The following PPARG variants were observed in gnomAD, a reference collection of about 807,000 sequenced individuals.
The protein encoded by PPARG is peroxisome proliferator activated receptor gamma, also known as peroxisome proliferator-activated receptor gamma.
In PPARG, 17 loss-of-function variants were observed where a neutral mutation model predicts 39.2. The observed-to-expected ratio is 0.43, with a 90% CI of 0.30 to 0.65. The LOEUF (loss-of-function observed/expected upper bound fraction) is 0.65, where lower values mean the gene tolerates loss of function less well. Among genes scored for constraint, PPARG ranks in the 30% least tolerant of loss-of-function variants. The pLI is 0.13. For missense variants in PPARG, 406 were observed against 585.9 expected (o/e 0.69, Z 3.17); for synonymous variants, 223 against 215.7 (o/e 1.03, Z -0.30).
chr3:12,382,737 A>G (rs1207512966), intron 4 of PPARG, among the ~76,000 whole-genome samples: 4 of 152,188 alleles, frequency 2.6e-5, no homozygotes, highest in Admixed American at 1.3e-4. Flanking sequence ...TGGGAGGCCA[A>G]GGCAGGAGGA....
At chr3:12,326,828 G>A (rs182309300) in intron 2 of PPARG, among the ~76,000 whole-genome samples, 2 of 152,280 alleles carry the variant, frequency 1.3e-5, no homozygotes, top group East Asian at 1.9e-4. Flanking sequence ...AAGATCGGGC[G>A]TGTTCAGGGT....
chr3:12,299,722 T>A (rs908045706), intron 1 of PPARG, among the ~76,000 whole-genome samples: 2 of 152,092 alleles, frequency 1.3e-5, no homozygotes, highest in African/African-American at 2.4e-5. Flanking sequence ...TCAATTAATT[T>A]AAAAAAATTA....
chr3:12,379,448 A>G (rs532642299), intron 2 of PPARG, among the ~76,000 whole-genome samples: 18 of 152,326 alleles, frequency 1.2e-4, no homozygotes, highest in Non-Finnish European at 8.8e-5. Flanking sequence ...GCAAAAAGGC[A>G]TTTATATGGA....
chr3:12,303,028 G>A (rs1017371102), intron 1 of PPARG, among the ~76,000 whole-genome samples: 1 of 152,266 alleles, frequency 6.6e-6, no homozygotes, highest in Non-Finnish European at 1.5e-5. Context: ...AGATTTGAGG[G>A]TAAGTCTTTA....
intron 6 of PPARG, among the ~76,000 whole-genome samples, chr3:12,410,609 A>G (rs1227115297): frequency 2.0e-5 from 3 of 152,236 alleles, no homozygotes; most frequent in Admixed American, 1.3e-4. Context: ...TGTTTATGGT[A>G]GGTACATGTG....
At chr3:12,296,797 CAGA>C (rs2046798373) in intron 1 of PPARG, among the ~76,000 whole-genome samples, 3 of 152,250 alleles carry the variant, frequency 2.0e-5, no homozygotes, top group South Asian at 4.1e-4. Flanking sequence ...TATAAAATCA[CAGA>C]AGATGATCGG....
chr3:12,418,821 G>A (rs917302905), intron 7 of PPARG, among the ~76,000 whole-genome samples: 1 of 152,172 alleles, frequency 6.6e-6, no homozygotes, highest in East Asian at 1.9e-4. Flanking sequence ...AAATGCCTAG[G>A]GTGCAAATAG....
At chr3:12,316,059 C>T (rs896539338) in intron 2 of PPARG, among the ~76,000 whole-genome samples, 12 of 152,088 alleles carry the variant, frequency 7.9e-5, no homozygotes, top group Admixed American at 2.0e-4. Context: ...AGTAGTACTA[C>T]GGGAACTTTC....
chr3:12,429,552 CAAAAAAAAA>C (rs753288907), intron 7 of PPARG, among the ~76,000 whole-genome samples: 4 of 99,626 alleles, frequency 4.0e-5, no homozygotes, highest in African/African-American at 1.6e-4. Flanking sequence ...CTGTCTCTAC[CAAAAAAAAA>C]AAAAAAAAAA....
At chr3:12,369,184 C>G (rs1244785678) in intron 2 of PPARG, among the ~76,000 whole-genome samples, 1 of 152,124 alleles carries the variant, frequency 6.6e-6, no homozygotes, top group African/African-American at 2.4e-5. Flanking sequence ...ACCTTCCTAT[C>G]TCTAGAATAA....
At chr3:12,425,097 T>C (rs4135293) in intron 7 of PPARG, among the ~76,000 whole-genome samples, 62 of 152,244 alleles carry the variant, frequency 4.1e-4, no homozygotes, top group Non-Finnish European at 7.8e-4. Flanking sequence ...TTATCAACTA[T>C]CGCTTTAAGG....
At chr3:12,308,343 CAAAAAAAAAA>C (rs57225468) in intron 1 of PPARG, among the ~76,000 whole-genome samples, 3 of 37,286 alleles carry the variant, frequency 8.0e-5, no homozygotes, top group African/African-American at 1.1e-4. Flanking sequence ...GACCCTGTCT[CAAAAAAAAAA>C]AAAAAAAAAA....
At chr3:12,306,880 C>T (rs928394617) in intron 1 of PPARG, among the ~76,000 whole-genome samples, 22 of 151,880 alleles carry the variant, frequency 1.4e-4, no homozygotes, top group African/African-American at 4.8e-4. Context: ...TGGTGGATCA[C>T]GAGGTCAGGA....
upstream of PPARG, among the ~76,000 whole-genome samples, chr3:12,288,585 G>A (rs998589084): frequency 6.6e-6 from 1 of 152,084 alleles, no homozygotes; most frequent in Non-Finnish European, 1.5e-5. Context: ...GAGGCCGCGC[G>A]GCACCCCTGC....
intron 1 of PPARG, among the ~76,000 whole-genome samples, chr3:12,307,865 G>T (rs748871374): frequency 1.3e-5 from 2 of 152,158 alleles, no homozygotes; most frequent in African/African-American, 2.4e-5. Flanking sequence ...GTGTTGAATT[G>T]TTCTTCCTTG....
At chr3:12,340,303 A>G (rs1211224779) in intron 2 of PPARG, among the ~76,000 whole-genome samples, 1 of 152,210 alleles carries the variant, frequency 6.6e-6, no homozygotes, top group Non-Finnish European at 1.5e-5. Flanking sequence ...AATGTGTAGG[A>G]TATTTGTCAA....
chr3:12,375,127 C>T (rs1314296057), intron 2 of PPARG, among the ~76,000 whole-genome samples: 1 of 152,072 alleles, frequency 6.6e-6, no homozygotes. Flanking sequence ...TGGCTCACGC[C>T]TATATTCCCG....
intron 1 of PPARG, among the ~76,000 whole-genome samples, chr3:12,298,402 GACACACACAC>G (rs561853093): frequency 1.1e-4 from 16 of 140,280 alleles, no homozygotes; most frequent in African/African-American, 3.7e-4. Flanking sequence ...TATATGTATA[GACACACACAC>G]ACACACACAC....
intron 2 of PPARG, among the ~76,000 whole-genome samples, chr3:12,326,254 A>G (rs1279819748): frequency 1.3e-5 from 2 of 152,246 alleles, no homozygotes; most frequent in African/African-American, 2.4e-5. Context: ...TTGCACTTAT[A>G]GTTAGAATTA....
Sources: gnomAD v4.1 joint callset for allele counts (sites outside exome capture counted in the v4.1 genomes callset) on GRCh38, gnomAD v4.1.1 for gene constraint, MANE v1.5 for transcripts, NCBI Gene and HGNC (gene_info 2026-07-23, HGNC 2026-07-21) for gene names.